Variants in DDR2 observed in about 807,000 individuals in gnomAD.
The protein encoded by DDR2 is discoidin domain receptor tyrosine kinase 2, also known as discoidin domain-containing receptor 2.
In DDR2, 27 loss-of-function variants were observed where a neutral mutation model predicts 94.9. That is an observed-to-expected ratio of 0.28 (90% confidence interval 0.21 to 0.39). The LOEUF is 0.39. Ranked by LOEUF, DDR2 falls within the 10% of genes least tolerant of loss-of-function variation. The pLI is 1.00. For missense variants in DDR2, 783 were observed against 1,076.0 expected (o/e 0.73, Z 3.81); for synonymous variants, 382 against 377.2 (o/e 1.01, Z -0.15).
chr1:162,784,847 T>C lies in DDR2; in HGVS notation c.*4601T>C, dbSNP rs957889091. ...CATTTTCGGAACCAGAAAATTAACA[T>C]TGGCATAATGCTATTAACTAAACTA... On this transcript the variant is annotated 3_prime_UTR_variant, in exon 18 of 18. Coordinates refer to ENST00000367921, the MANE Select transcript of DDR2 (RefSeq NM_006182.4). 7.9e-5 allele frequency: 12 copies of C among 152,198 alleles called. No individual in the cohort carries two copies. Among genetic ancestry groups the C allele is most frequent in the African/African-American group, 2.9e-4 (12 of 41,462 alleles). 9.4% of individuals were successfully genotyped at this position (152,198 alleles called of 1,614,324 possible). A position where few individuals can be genotyped will look rare whatever the true frequency, so the allele number is the denominator to read the frequency against.
At chr1:162,707,955 G>A (rs1660733136) in intron 2 of DDR2, among the ~76,000 whole-genome samples, 1 of 152,112 alleles carries the variant, frequency 6.6e-6, no homozygotes. Context: ...AGACTAGTTA[G>A]TACCTGGCTG....
intron 3 of DDR2, among the ~76,000 whole-genome samples, chr1:162,751,024 A>G: frequency 6.6e-6 from 1 of 152,216 alleles, no homozygotes; most frequent in East Asian, 1.9e-4. Context: ...TAAATGTTAG[A>G]CCCAAAACCA....
intron 2 of DDR2, among the ~76,000 whole-genome samples, chr1:162,679,828 T>G (rs1312343010): frequency 6.6e-6 from 1 of 152,196 alleles, no homozygotes; most frequent in Non-Finnish European, 1.5e-5. Context: ...ATAGCTATTC[T>G]GATGAGTATG....
intron 9 of DDR2, among the ~76,000 whole-genome samples, chr1:162,762,950 C>T (rs938331650): frequency 1.3e-5 from 2 of 152,166 alleles, no homozygotes; most frequent in Admixed American, 1.3e-4. Context: ...GATTCTTCTG[C>T]CTCAGCCTCC....
At chr1:162,699,285 C>T (rs1660324903) in intron 2 of DDR2, among the ~76,000 whole-genome samples, 1 of 152,214 alleles carries the variant, frequency 6.6e-6, no homozygotes, top group Non-Finnish European at 1.5e-5. Flanking sequence ...CTTGCTAGGC[C>T]ACAATGACTT....
chr1:162,749,468 T>A (rs1167569723), intron 3 of DDR2, among the ~76,000 whole-genome samples: 2 of 152,196 alleles, frequency 1.3e-5, no homozygotes, highest in African/African-American at 4.8e-5. Flanking sequence ...AGAAGTCGAA[T>A]CCCTGAATAG....
rs376242608 is a variant in DDR2 at position 162,754,844 on chromosome 1, C to T, written c.406C>T (p.His136Tyr). 1.2e-6 allele frequency: 2 copies of T among 1,613,826 alleles called. No homozygotes were observed. Among genetic ancestry groups the T allele is most frequent in the African/African-American group, 2.7e-5 (2 of 74,846 alleles). The change falls in exon 5 of 18, where the codon CAT becomes TAT. Residue 136 changes from histidine to tyrosine, a missense_variant. Coordinates refer to ENST00000367921, the MANE Select transcript of DDR2 (RefSeq NM_006182.4). ...GTRWISWRNR[H>Y]GKQVLDGNSN... ...TCGCTGGATCTCTTGGCGGAACCGT[C>T]ATGGGAAACAGGTAGGAAGAAGAGA...
intron 3 of DDR2, among the ~76,000 whole-genome samples, chr1:162,750,198 A>G (rs1663111295): frequency 1.3e-5 from 2 of 152,234 alleles, no homozygotes; most frequent in Admixed American, 6.5e-5. Flanking sequence ...AGAGGAAGTC[A>G]AATTGTCCCT....
rs768408514 is a variant in DDR2, at chr1:162,767,210, C to A, written c.1163-19C>A. ...CCTGTGAGATGATTGTATTCTCTGC[C>A]TTCTCTCCCTGGTCACAGATCCAAT... On this transcript the variant is annotated intron_variant, in intron 10 of 17. Coordinates refer to ENST00000367921, the MANE Select transcript of DDR2 (RefSeq NM_006182.4). 1.2e-6 allele frequency: 2 copies of A among 1,613,888 alleles called. No homozygotes were observed. Among genetic ancestry groups the A allele is most frequent in the Non-Finnish European group, 8.5e-7 (1 of 1,179,966 alleles).
intron 1 of DDR2, among the ~76,000 whole-genome samples, chr1:162,647,237 AAT>A (rs1249858614): frequency 6.6e-6 from 1 of 152,220 alleles, no homozygotes; most frequent in East Asian, 1.9e-4. Flanking sequence ...GATGAGATAG[AAT>A]AAATCTTCCC....
chr1:162,689,652 G>A (rs1441307860), intron 2 of DDR2, among the ~76,000 whole-genome samples: 1 of 151,022 alleles, frequency 6.6e-6, no homozygotes, highest in Non-Finnish European at 1.5e-5. Context: ...CATTTAAAAA[G>A]AAGGCATCAA....
At chr1:162,744,834 A>G (rs1011058643) in intron 3 of DDR2, among the ~76,000 whole-genome samples, 2 of 152,182 alleles carry the variant, frequency 1.3e-5, no homozygotes, top group Non-Finnish European at 2.9e-5. Flanking sequence ...TATCTCTTCA[A>G]GATGCTGATT....
At chr1:162,746,734 A>G (rs1276335180) in intron 3 of DDR2, among the ~76,000 whole-genome samples, 1 of 152,202 alleles carries the variant, frequency 6.6e-6, no homozygotes, top group African/African-American at 2.4e-5. Flanking sequence ...GGGCCTACAG[A>G]CACCTCATAC....
chr1:162,655,806 T>C (rs1234410491), intron 2 of DDR2, among the ~76,000 whole-genome samples: 3 of 152,234 alleles, frequency 2.0e-5, no homozygotes, highest in Non-Finnish European at 4.4e-5. Flanking sequence ...ATTTTATAAG[T>C]TGTTTTCTTC....
intron 3 of DDR2, 154 bp downstream of exon 3, chr1:162,719,299 A>G (rs1384510411): frequency 1.1e-6 from 1 of 874,300 alleles, no homozygotes; most frequent in Non-Finnish European, 1.4e-6. Context: ...TAGGAAGAAA[A>G]ATGAATATAC....
intron 2 of DDR2, among the ~76,000 whole-genome samples, chr1:162,692,558 C>A (rs1421770760): frequency 1.3e-5 from 2 of 152,230 alleles, no homozygotes; most frequent in African/African-American, 4.8e-5. Context: ...CTTGCCTTCA[C>A]TCCACCTTTA....
intron 2 of DDR2, among the ~76,000 whole-genome samples, chr1:162,681,983 T>C (rs1159422590): frequency 6.6e-6 from 1 of 152,184 alleles, no homozygotes; most frequent in Non-Finnish European, 1.5e-5. Context: ...GGGTCCCTCT[T>C]GGAACATTTA....
At chr1:162,646,421 T>G (rs897153628) in intron 1 of DDR2, among the ~76,000 whole-genome samples, 1 of 152,232 alleles carries the variant, frequency 6.6e-6, no homozygotes, top group African/African-American at 2.4e-5. Flanking sequence ...AAATTTAAGA[T>G]AAGCACTTTA....
chr1:162,723,454 A>G (rs892561475), intron 3 of DDR2, among the ~76,000 whole-genome samples: 2 of 152,160 alleles, frequency 1.3e-5, no homozygotes, highest in African/African-American at 2.4e-5. Flanking sequence ...AGTGGACATC[A>G]GTGTCAGGCT....
Sources: gnomAD v4.1 joint callset for allele counts (sites outside exome capture counted in the v4.1 genomes callset) on GRCh38, gnomAD v4.1.1 for gene constraint, MANE v1.5 for transcripts, NCBI Gene and HGNC (gene_info 2026-07-23, HGNC 2026-07-21) for gene names.